The following QSOX1 variants were observed in gnomAD, a reference collection of about 807,000 sequenced individuals.
QSOX1 encodes quiescin sulfhydryl oxidase 1, also known as sulfhydryl oxidase 1.
In QSOX1, 40 loss-of-function variants were observed where a neutral mutation model predicts 76.1. That is an observed-to-expected ratio of 0.53 (90% CI 0.41 to 0.68). The LOEUF (loss-of-function observed/expected upper bound fraction) is 0.68. Ranked by LOEUF, QSOX1 falls within the 30% of genes least tolerant of loss-of-function variation. The pLI, the probability that QSOX1 is intolerant of heterozygous loss-of-function variation, is 0.00. For missense variants in QSOX1, 931 were observed against 974.3 expected, an observed-to-expected ratio of 0.96 and a Z score of 0.59; for synonymous variants, 392 against 413.1, an observed-to-expected ratio of 0.95 and a Z score of 0.62.
chr1:180,179,266 T>C (rs997840591), intron 5 of QSOX1, among the ~76,000 whole-genome samples: 5 of 152,132 alleles, frequency 3.3e-5, no homozygotes, highest in African/African-American at 1.2e-4. Context: ...CCAAAGCCAA[T>C]GTTGTTTCCA....
At position 180,203,661 on chromosome 1, in the gene QSOX1, C is replaced by A. The variant is rs986130489; in HGVS notation, c.*6624C>A. 2.0e-5 allele frequency: 3 copies of A among 152,198 alleles called. No homozygotes were observed. Among genetic ancestry groups the A allele is most frequent in the African/African-American group, 4.8e-5 (2 of 41,440 alleles). 9.4% of individuals were successfully genotyped at this position (152,198 alleles called of 1,614,324 possible). A position where few individuals can be genotyped will look rare whatever the true frequency, so the allele number is the denominator to read the frequency against. On this transcript the variant is annotated 3_prime_UTR_variant, in exon 12 of 12. Coordinates refer to ENST00000367602, the MANE Select transcript of QSOX1 (RefSeq NM_002826.5). The stretch of plus-strand genomic sequence containing the variant: ...AGGCTCCTATGATGTAACCAACAGA[C>A]CAAACCAATATGGAGTCATTCATGC...
At chr1:180,188,780 G>T (rs901789279) in intron 8 of QSOX1, among the ~76,000 whole-genome samples, 1 of 152,090 alleles carries the variant, frequency 6.6e-6, no homozygotes, top group Non-Finnish European at 1.5e-5. Context: ...TCATCCCCTC[G>T]GCCAGCCTCT....
At chr1:180,158,459 G>A (rs3767190) in intron 1 of QSOX1, among the ~76,000 whole-genome samples, 4,480 of 152,302 alleles carry the variant, frequency 0.029, 127 homozygotes, top group East Asian at 0.09. Context: ...AAATGACAGC[G>A]TGAGTGTAGA....
At chr1:180,169,419 G>A (rs1662712409) in intron 2 of QSOX1, among the ~76,000 whole-genome samples, 1 of 152,226 alleles carries the variant, frequency 6.6e-6, no homozygotes, top group African/African-American at 2.4e-5. Flanking sequence ...GATCAGTGAT[G>A]TGGTTTCAAA....
chr1:180,164,721 C>T (rs16855351), intron 1 of QSOX1, among the ~76,000 whole-genome samples: 2,448 of 152,262 alleles, frequency 0.016, 79 homozygotes, highest in African/African-American at 0.054. Flanking sequence ...TCTTCTGAGA[C>T]GTCGTAAGGA....
chr1:180,192,324 A>G (rs1166330539), intron 10 of QSOX1, among the ~76,000 whole-genome samples: 4 of 152,124 alleles, frequency 2.6e-5, no homozygotes, highest in African/African-American at 9.7e-5. Context: ...TGGCGAGGGC[A>G]GGGTTTGGAG....
chr1:180,162,529 G>C (rs897723992), intron 1 of QSOX1, among the ~76,000 whole-genome samples: 3 of 151,998 alleles, frequency 2.0e-5, no homozygotes, highest in African/African-American at 7.3e-5. Flanking sequence ...TGAGCCTAGG[G>C]GTTCGAGACC....
Position 180,197,145 on chromosome 1 carries a change from T to C in QSOX1, c.*108T>C, listed in dbSNP as rs912427990. ...CCTTGCTCCTTGTCTGGCCTAGAAG[T>C]GTGGGAAATTCAGGAAAACGAGTTG... On this transcript the variant is annotated 3_prime_UTR_variant, in exon 12 of 12. Transcript: ENST00000367602. The C allele has an allele frequency of 8.3e-6, 12 of 1,452,518 alleles. No individual in the cohort carries two copies. Among genetic ancestry groups the C allele is most frequent in the Non-Finnish European group, 1.1e-5 (12 of 1,100,380 alleles). The allele number at this position is 1,452,518 out of a possible 1,614,324, so 90.0% of individuals were successfully genotyped here.
chr1:180,193,244 T>A (rs1419910835), intron 10 of QSOX1, among the ~76,000 whole-genome samples: 2 of 151,680 alleles, frequency 1.3e-5, no homozygotes, highest in Non-Finnish European at 1.5e-5. Context: ...GGGAGTGAAA[T>A]CCTGGAGGTG....
rs1663476232 is a variant in QSOX1, at chr1:180,196,058, C to T, written c.1469-204C>T. Among the ~76,000 whole-genome samples the T allele has an allele frequency of 6.6e-6, 1 of 152,160 alleles. No individual in the cohort carries two copies. Among genetic ancestry groups the T allele is most frequent in the East Asian group, 1.9e-4 (1 of 5,182 alleles). On this transcript the variant is annotated intron_variant, in intron 11 of 11. Coordinates refer to ENST00000367602, the MANE Select transcript of QSOX1 (RefSeq NM_002826.5). This position sits in a 1 kb window ranked among gnomAD's most constrained non-coding sequence, Gnocchi z 4.1. The stretch of plus-strand genomic sequence containing the variant: ...CGGGGCTGAGGGGTAGGTGGATCTG[C>T]CTCCTCCTCCATGCTGCCATCTGTT...
intron 2 of QSOX1, among the ~76,000 whole-genome samples, chr1:180,168,085 G>A (rs889255057): frequency 6.6e-6 from 1 of 152,272 alleles, no homozygotes; most frequent in African/African-American, 2.4e-5. Flanking sequence ...TTGGAGTTCT[G>A]TAGGGCCTGA....
chr1:180,196,675 C>T lies in QSOX1; in HGVS notation c.1882C>T (p.Leu628Phe), dbSNP rs780609204. ...GQEPPEHMAE[L>F]QRNEQEQPLG... ...GGAGCCTCCTGAGCACATGGCAGAG[C>T]TTCAGAGGAATGAGCAGGAGCAGCC... Residue 628 changes from leucine to phenylalanine, a missense_variant, in exon 12 of 12, where the codon CTT becomes TTT. By Grantham distance (22) the Leu-to-Phe change is conservative. Coordinates refer to ENST00000367602, the MANE Select transcript of QSOX1 (RefSeq NM_002826.5). The surrounding 1 kb of genome is among the most constrained non-coding windows in gnomAD (Gnocchi z 4.1). 6.8e-6 allele frequency: 11 copies of T among 1,614,000 alleles called. No homozygotes were observed. Among genetic ancestry groups the T allele is most frequent in the Non-Finnish European group, 9.3e-6 (11 of 1,180,044 alleles).
chr1:180,164,986 AACTC>A (rs1407550001), intron 1 of QSOX1, among the ~76,000 whole-genome samples: 1 of 152,086 alleles, frequency 6.6e-6, no homozygotes, highest in African/African-American at 2.4e-5. Context: ...TCAGAGTGAG[AACTC>A]ACTCGTTATC....
intron 1 of QSOX1, among the ~76,000 whole-genome samples, chr1:180,160,832 T>C (rs1269287124): frequency 6.6e-6 from 1 of 152,178 alleles, no homozygotes; most frequent in African/African-American, 2.4e-5. Flanking sequence ...GAAATGTATA[T>C]CAAGTTGTTC....
chr1:180,177,859 GTTTGT>G (rs1207394163), intron 4 of QSOX1, among the ~76,000 whole-genome samples: 2 of 119,716 alleles, frequency 1.7e-5, no homozygotes, highest in African/African-American at 6.0e-5. Context: ...CCATGTTTTT[GTTTGT>G]TTTGTTTTGT....
intron 2 of QSOX1, among the ~76,000 whole-genome samples, chr1:180,168,445 G>C (rs1369125205): frequency 6.6e-6 from 1 of 152,234 alleles, no homozygotes; most frequent in Non-Finnish European, 1.5e-5. Context: ...CCAGGGGGAG[G>C]CACCCAGTGC....
chr1:180,179,362 G>A (rs745936806), intron 5 of QSOX1, among the ~76,000 whole-genome samples: 8 of 152,216 alleles, frequency 5.3e-5, no homozygotes, highest in Non-Finnish European at 1.0e-4. Context: ...AGGAAATGGG[G>A]TCCTTTACCC....
At chr1:180,157,475 A>C (rs764070134) in intron 1 of QSOX1, among the ~76,000 whole-genome samples, 22 of 152,224 alleles carry the variant, frequency 1.4e-4, no homozygotes, top group Non-Finnish European at 2.8e-4. Flanking sequence ...CTGTGTGAGT[A>C]CTGCCCATGC....
chr1:180,159,125 A>G (rs1239291352), intron 1 of QSOX1, among the ~76,000 whole-genome samples: 1 of 152,036 alleles, frequency 6.6e-6, no homozygotes, highest in Non-Finnish European at 1.5e-5. Context: ...TCACCCATCA[A>G]TCCAAGATTT....
Sources: gnomAD v4.1 joint callset for allele counts (sites outside exome capture counted in the v4.1 genomes callset) on GRCh38, gnomAD v4.1.1 for gene constraint, Gnocchi (gnomAD v3.1) non-coding constraint, MANE v1.5 for transcripts, NCBI Gene and HGNC (gene_info 2026-07-23, HGNC 2026-07-21) for gene names.